Variants in FAM227A observed in about 807,000 individuals in gnomAD.
FAM227A encodes protein FAM227A.
FAM227A carries 80 observed loss-of-function variants against 74.7 expected under a neutral mutation model. The ratio of observed to expected loss-of-function variants is 1.07; its 90% CI spans 0.89 to 1.29. The LOEUF (loss-of-function observed/expected upper bound fraction) is 1.29. FAM227A is among the 50% of genes most tolerant of loss of function. The pLI is 0.00. For missense variants in FAM227A, 654 were observed against 683.4 expected (o/e 0.96, Z 0.48); for synonymous variants, 237 against 241.8 (o/e 0.98, Z 0.19).
chr22:38,599,907 G>A lies in FAM227A; in HGVS notation c.1236C>T (p.Cys412=). ...NMFPKKSCAA[C]KSPELTSNLF... ...GGTTTGAAGTCAGCTCAGGGCTTTTGCAGGCAGCACACGACTAAGGATGAA... is the reference window on the plus strand; with the variant it reads ...GGTTTGAAGTCAGCTCAGGGCTTTTACAGGCAGCACACGACTAAGGATGAA... The change falls in exon 14 of 17, where the codon TGC becomes TGT. Residue 412 remains cysteine (C), a synonymous_variant. Coordinates refer to ENST00000535113, the MANE Select transcript of FAM227A (RefSeq NM_001013647.2). 5 of 1,548,908 alleles carry A rather than the reference G, an allele frequency of 3.2e-6. No individual in the cohort carries two copies. The highest frequency in any genetic ancestry group is 4.4e-6 in the Non-Finnish European group (5 of 1,146,032).
intron 10 of FAM227A, among the ~76,000 whole-genome samples, chr22:38,621,273 C>T (rs1320246720): frequency 6.7e-6 from 1 of 150,044 alleles, no homozygotes; most frequent in Non-Finnish European, 1.5e-5. Context: ...TCGCTTGAAC[C>T]TGGAAGGCAG....
At chr22:38,647,457 AAAC>A (rs2092259975) in intron 2 of FAM227A, among the ~76,000 whole-genome samples, 1 of 151,936 alleles carries the variant, frequency 6.6e-6, no homozygotes, top group African/African-American at 2.4e-5. Context: ...AAAAAAAACA[AAAC>A]AACGAAACAA....
chr22:38,620,090 G>T, intron 11 of FAM227A, 122 bp downstream of exon 11: 1 of 671,022 alleles, frequency 1.5e-6, no homozygotes, highest in Non-Finnish European at 2.6e-6. Flanking sequence ...AGATGGAGTG[G>T]ACCTGGGCAA....
At chr22:38,645,195 T>C (rs990090427) in intron 3 of FAM227A, among the ~76,000 whole-genome samples, 3 of 150,184 alleles carry the variant, frequency 2.0e-5, no homozygotes, top group East Asian at 2.0e-4. Flanking sequence ...AGCGAGCCCA[T>C]CCTGGCCAAC....
chr22:38,626,476 A>C (rs1466573561), intron 8 of FAM227A, among the ~76,000 whole-genome samples, 173 bp from the exon 9 acceptor site: 1 of 151,194 alleles, frequency 6.6e-6, no homozygotes. Flanking sequence ...GGCTGAAGTG[A>C]TCCTCTAATC....
At chr22:38,636,770 C>CTTT (rs34040804) in intron 5 of FAM227A, among the ~76,000 whole-genome samples, 173 bp from the exon 6 acceptor site, 1 of 118,818 alleles carries the variant, frequency 8.4e-6, no homozygotes, top group Non-Finnish European at 1.7e-5. Flanking sequence ...TACATTATTT[C>CTTT]TTTTTTTTTT....
chr22:38,654,735 C>T (rs894242741), intron 1 of FAM227A, among the ~76,000 whole-genome samples: 2 of 149,042 alleles, frequency 1.3e-5, no homozygotes, highest in African/African-American at 5.0e-5. Context: ...TCGAGACCAC[C>T]CTGGCTAACA....
At chr22:38,603,417 G>A (rs1334669028) in intron 13 of FAM227A, among the ~76,000 whole-genome samples, 2 of 151,680 alleles carry the variant, frequency 1.3e-5, no homozygotes, top group Admixed American at 1.3e-4. Context: ...GAACCCAGGA[G>A]GTAGAAGTTG....
At chr22:38,595,778 CTG>C (rs2091029336) in intron 15 of FAM227A, among the ~76,000 whole-genome samples, 1 of 152,160 alleles carries the variant, frequency 6.6e-6, no homozygotes, top group African/African-American at 2.4e-5. Flanking sequence ...ACAACATCAC[CTG>C]TGAAAGATTT....
chr22:38,643,346 C>A (rs1043390044), intron 3 of FAM227A, among the ~76,000 whole-genome samples: 3 of 149,732 alleles, frequency 2.0e-5, no homozygotes, highest in African/African-American at 4.9e-5. Flanking sequence ...TGGGGGTTGG[C>A]GCTAAAGGTT....
At chr22:38,603,156 G>A (rs1044588727) in intron 13 of FAM227A, among the ~76,000 whole-genome samples, 2 of 152,162 alleles carry the variant, frequency 1.3e-5, no homozygotes, top group African/African-American at 4.8e-5. Context: ...TTACAGGTGT[G>A]AGCCACCATA....
chr22:38,585,810 C>T lies in FAM227A; in HGVS notation c.*315G>A. The T allele has an allele frequency of 2.0e-6, 1 of 501,682 alleles. No individual in the cohort carries two copies. Among genetic ancestry groups the T allele is most frequent in the Non-Finnish European group, 3.4e-6 (1 of 291,130 alleles). The allele number at this position is 501,682 out of a possible 1,614,324, so 31.1% of individuals were successfully genotyped here. On this transcript the variant is annotated 3_prime_UTR_variant, in exon 17 of 17. Coordinates refer to ENST00000535113, the MANE Select transcript of FAM227A (RefSeq NM_001013647.2). ...GCTGCGTAAAATGCAGTGGATAATC[C>T]CTACTTCATACGGCTGGTATGAAAG...
chr22:38,638,864 G>A (rs778490555), intron 4 of FAM227A, 42 bp from the exon 5 acceptor site: 9 of 1,308,158 alleles, frequency 6.9e-6, no homozygotes, highest in Non-Finnish European at 9.5e-6. Flanking sequence ...TAACCACAGG[G>A]TCTGTCCACA....
At chr22:38,622,473 T>A (rs778159516) in intron 10 of FAM227A, among the ~76,000 whole-genome samples, 64 of 152,204 alleles carry the variant, frequency 4.2e-4, no homozygotes, top group Non-Finnish European at 1.9e-4. Context: ...ATGGGTCTGC[T>A]GAGTGAAATA....
At position 38,585,723 on chromosome 22, in the gene FAM227A, C is replaced by T. The variant is rs1024172229; in HGVS notation, c.*402G>A. The T allele has an allele frequency of 1.6e-5, 4 of 251,006 alleles. No individual in the cohort carries two copies. Among genetic ancestry groups the T allele is most frequent in the Non-Finnish European group, 1.6e-5 (2 of 128,442 alleles). The allele number at this position is 251,006 out of a possible 1,614,324, so 15.5% of individuals were successfully genotyped here. On this transcript the variant is annotated 3_prime_UTR_variant, in exon 17 of 17. Coordinates refer to ENST00000535113, the MANE Select transcript of FAM227A (RefSeq NM_001013647.2). Reference sequence around the variant, plus strand: ...GAGAACAGGGACTGTGTCTTATCTACTGTTAATTACCCAGTGTCTACAGCA... The same window carrying T: ...GAGAACAGGGACTGTGTCTTATCTATTGTTAATTACCCAGTGTCTACAGCA...
chr22:38,619,752 C>T (rs2091647606), intron 11 of FAM227A, among the ~76,000 whole-genome samples: 1 of 152,002 alleles, frequency 6.6e-6, no homozygotes, highest in Non-Finnish European at 1.5e-5. Flanking sequence ...CAGTTAGGTG[C>T]CTACTGCAGT....
intron 3 of FAM227A, among the ~76,000 whole-genome samples, chr22:38,643,307 TTC>T (rs1339086132): frequency 7.0e-6 from 1 of 142,108 alleles, no homozygotes; most frequent in Non-Finnish European, 1.5e-5. Flanking sequence ...CAGAGCAAGA[TTC>T]TGTCTCAAAA....
intron 11 of FAM227A, among the ~76,000 whole-genome samples, chr22:38,611,995 C>T (rs1396707308): frequency 1.3e-5 from 2 of 152,136 alleles, no homozygotes; most frequent in African/African-American, 2.4e-5. Context: ...CCTTCAACTC[C>T]GTCCTTTCTT....
intron 3 of FAM227A, among the ~76,000 whole-genome samples, chr22:38,645,070 A>G (rs1005802868): frequency 1.4e-5 from 2 of 146,332 alleles, no homozygotes; most frequent in African/African-American, 5.1e-5. Context: ...CTGGCGACAG[A>G]GCAAGTCTCT....
Sources: gnomAD v4.1 joint callset for allele counts (sites outside exome capture counted in the v4.1 genomes callset) on GRCh38, gnomAD v4.1.1 for gene constraint, MANE v1.5 for transcripts, NCBI Gene and HGNC (gene_info 2026-07-23, HGNC 2026-07-21) for gene names.